The following TRIM9 variants were observed in gnomAD, a reference collection of about 807,000 sequenced individuals.
TRIM9 encodes the protein E3 ubiquitin-protein ligase TRIM9.
A neutral mutation model predicts 78.3 loss-of-function variants in TRIM9; 26 were observed. That is an observed-to-expected ratio of 0.33 (90% confidence interval 0.24 to 0.46). TRIM9 has a LOEUF of 0.46. Among genes scored for constraint, TRIM9 ranks in the 20% least tolerant of loss-of-function variants. The probability of loss-of-function intolerance (pLI) is 1.00; values close to 1 mark genes in which losing one functional copy is unlikely to be tolerated. For synonymous variants in TRIM9, 398 were observed against 416.5 expected, an observed-to-expected ratio of 0.96 and a Z score of 0.54; for missense variants, 787 against 1,036.4, an observed-to-expected ratio of 0.76 and a Z score of 3.30.
At chr14:51,041,055 A>G (rs1473065545) in intron 1 of TRIM9, among the ~76,000 whole-genome samples, 1 of 152,238 alleles carries the variant, frequency 6.6e-6, no homozygotes, top group Non-Finnish European at 1.5e-5. Flanking sequence ...TGTCAATATT[A>G]TTCAGAAAAA....
At chr14:50,997,656 A>G in intron 7 of TRIM9, 1 of 1,083,766 alleles carries the variant, frequency 9.2e-7, no homozygotes, top group Non-Finnish European at 1.1e-6. Flanking sequence ...ACTACAGAGT[A>G]ATTTAGAATC....
chr14:51,085,734 TTTA>T (rs2063691767), intron 1 of TRIM9, among the ~76,000 whole-genome samples: 1 of 152,206 alleles, frequency 6.6e-6, no homozygotes, highest in Non-Finnish European at 1.5e-5. Context: ...TACTTATTAG[TTTA>T]TGGTTTTTTT....
At chr14:51,016,219 G>C (rs1327628634) in intron 3 of TRIM9, among the ~76,000 whole-genome samples, 1 of 152,156 alleles carries the variant, frequency 6.6e-6, no homozygotes, top group African/African-American at 2.4e-5. Context: ...GTTTAGGCAA[G>C]GGCAGGGGTC....
At chr14:51,047,688 A>C (rs1377910681) in intron 1 of TRIM9, among the ~76,000 whole-genome samples, 3 of 152,200 alleles carry the variant, frequency 2.0e-5, no homozygotes, top group Admixed American at 1.3e-4. Context: ...AAACGCATAT[A>C]ACAATCTGTA....
rs577215993 is a variant in TRIM9, at chr14:50,985,868, C to CA, written c.1792+87dup. 5.5e-4 allele frequency: 668 copies of CA among 1,208,282 alleles called. 10 individuals carry two copies. The East Asian group carries it at 0.019, about 34-fold the overall frequency. The allele number at this position is 1,208,282 out of a possible 1,614,324, so 74.8% of individuals were successfully genotyped here. On this transcript the variant is annotated intron_variant, in intron 8 of 12. Coordinates refer to ENST00000684578, the MANE Select transcript of TRIM9 (RefSeq NM_001387360.1). ...AGACTAGCTCATCCCCCTCACCACG[C>CA]ACATGAATGGCAAGAACAAGACACG...
At chr14:50,978,172 T>C (rs940226583) in intron 12 of TRIM9, among the ~76,000 whole-genome samples, 5 of 152,164 alleles carry the variant, frequency 3.3e-5, no homozygotes, top group African/African-American at 1.2e-4. Flanking sequence ...GGCTGCTAGT[T>C]TGCAATCAAT....
chr14:50,976,291 T>C lies in TRIM9; in HGVS notation c.*1000A>G, dbSNP rs946081722. On this transcript the variant is annotated 3_prime_UTR_variant, in exon 13 of 13. Transcript: ENST00000684578. ...TACATTTCTGGTGCTATGGCCAGAA[T>C]GTGTGGATTTTTAGCATCATTCTAG... 1 of 152,468 alleles carries C rather than the reference T, an allele frequency of 6.6e-6. No individual in the cohort carries two copies. The highest frequency in any genetic ancestry group is 1.5e-5 in the Non-Finnish European group (1 of 68,044). The allele number at this position is 152,468 out of a possible 1,614,324, so 9.4% of individuals were successfully genotyped here. A position where few individuals can be genotyped will look rare whatever the true frequency, so the allele number is the denominator to read the frequency against.
chr14:51,036,735 A>G (rs2059188415), intron 1 of TRIM9, among the ~76,000 whole-genome samples: 2 of 152,338 alleles, frequency 1.3e-5, no homozygotes, highest in Middle Eastern at 3.4e-3. Context: ...ACCCATGCAT[A>G]CAGAGGGCTG....
At chr14:51,003,866 G>A (rs1233225516) in intron 5 of TRIM9, among the ~76,000 whole-genome samples, 1 of 152,154 alleles carries the variant, frequency 6.6e-6, no homozygotes, top group East Asian at 1.9e-4. Context: ...TATATAAAAG[G>A]TGAATGTGCC....
chr14:51,066,663 A>T (rs1189015894), intron 1 of TRIM9, among the ~76,000 whole-genome samples: 2 of 152,230 alleles, frequency 1.3e-5, no homozygotes, highest in Non-Finnish European at 2.9e-5. Flanking sequence ...ACAGCTCTCC[A>T]AGTCAGAGCA....
At chr14:51,032,649 A>T (rs996751946) in intron 1 of TRIM9, among the ~76,000 whole-genome samples, 1 of 152,232 alleles carries the variant, frequency 6.6e-6, no homozygotes, top group Non-Finnish European at 1.5e-5. Flanking sequence ...CCAAGAGCAC[A>T]CAACAACTAA....
At chr14:50,985,808 C>T in intron 8 of TRIM9, 148 bp downstream of exon 8, 3 of 666,042 alleles carry the variant, frequency 4.5e-6, no homozygotes, top group Non-Finnish European at 6.7e-6. Flanking sequence ...TCCACCATCC[C>T]GATGCTCCTC....
chr14:51,020,781 G>A (rs71422011), intron 3 of TRIM9, among the ~76,000 whole-genome samples: 1 of 152,164 alleles, frequency 6.6e-6, no homozygotes, highest in Admixed American at 6.5e-5. Context: ...CTTTGATAGG[G>A]ATAAATGATG....
At chr14:51,030,107 G>C (rs1821858452) in intron 1 of TRIM9, among the ~76,000 whole-genome samples, 2 of 152,192 alleles carry the variant, frequency 1.3e-5, no homozygotes, top group South Asian at 4.1e-4. Flanking sequence ...CCTAAGAGAG[G>C]AGTCTCATGG....
At chr14:51,007,416 G>T (rs998675217) in intron 5 of TRIM9, among the ~76,000 whole-genome samples, 2 of 152,182 alleles carry the variant, frequency 1.3e-5, no homozygotes, top group Non-Finnish European at 2.9e-5. Context: ...CAAAAATGTA[G>T]ATTTGTTAAT....
At chr14:51,088,543 C>G (rs2063994170) in intron 1 of TRIM9, among the ~76,000 whole-genome samples, 1 of 151,782 alleles carries the variant, frequency 6.6e-6, no homozygotes, top group Non-Finnish European at 1.5e-5. Context: ...CCTTTGAAAA[C>G]AAACAAATCA....
intron 5 of TRIM9, among the ~76,000 whole-genome samples, chr14:51,008,662 C>T (rs901586361): frequency 1.3e-5 from 2 of 152,218 alleles, no homozygotes; most frequent in Non-Finnish European, 2.9e-5. Flanking sequence ...CTCTCAAATT[C>T]CCACTGATCC....
chr14:51,047,348 C>T (rs759043775), intron 1 of TRIM9, among the ~76,000 whole-genome samples: 3 of 152,260 alleles, frequency 2.0e-5, no homozygotes, highest in Admixed American at 6.5e-5. Context: ...ATCTGGGCCA[C>T]GGCATTCATT....
At chr14:51,039,849 C>T (rs2059443168) in intron 1 of TRIM9, among the ~76,000 whole-genome samples, 2 of 151,972 alleles carry the variant, frequency 1.3e-5, no homozygotes, top group Non-Finnish European at 2.9e-5. Context: ...CGGGTTCACA[C>T]CATTCTCCTG....
Sources: allele counts gnomAD v4.1 joint callset (sites outside exome capture counted in the v4.1 genomes callset), GRCh38; gene constraint gnomAD v4.1.1; transcripts MANE v1.5; gene names NCBI Gene and HGNC (gene_info 2026-07-23, HGNC 2026-07-21).